TVP23C: variants seen among roughly 807,000 people sequenced by gnomAD.
TVP23C encodes the protein Golgi apparatus membrane protein TVP23 homolog C.
A neutral mutation model predicts 28.7 loss-of-function variants in TVP23C; 19 were observed. The ratio of observed to expected loss-of-function variants is 0.66; its 90% CI spans 0.46 to 0.97. The LOEUF (loss-of-function observed/expected upper bound fraction) is 0.97. Among genes scored for constraint, TVP23C ranks in the 50% least tolerant of loss-of-function variants. The pLI, the probability that TVP23C is intolerant of heterozygous loss-of-function variation, is 0.00. For synonymous variants in TVP23C, 68 were observed against 81.7 expected (o/e 0.83, Z 0.90); for missense variants, 186 against 241.3 (o/e 0.77, Z 1.52).
At chr17:15,516,023 C>G (rs1041783656) in intron 5 of TVP23C, among the ~76,000 whole-genome samples, 1 of 152,128 alleles carries the variant, frequency 6.6e-6, no homozygotes, top group Non-Finnish European at 1.5e-5. Flanking sequence ...CCAGGTAAGA[C>G]GCGTGCTCCC....
downstream of TVP23C, among the ~76,000 whole-genome samples, chr17:15,534,578 TACACACACACAC>T (rs370038704): frequency 7.1e-4 from 89 of 125,220 alleles, no homozygotes; most frequent in Non-Finnish European, 1.2e-3. Flanking sequence ...CCATCACTTC[TACACACACACAC>T]ACACACACAC....
chr17:15,505,998 A>G (rs1169011598), intron 5 of TVP23C, among the ~76,000 whole-genome samples: 3 of 152,174 alleles, frequency 2.0e-5, no homozygotes, highest in Non-Finnish European at 4.4e-5. Flanking sequence ...TGTGCGGCCC[A>G]AGCCTCCCCG....
At chr17:15,548,967 A>G (rs112360894) in intron 3 of TVP23C, among the ~76,000 whole-genome samples, 3 of 152,266 alleles carry the variant, frequency 2.0e-5, no homozygotes, top group South Asian at 2.1e-4. Context: ...TTAGCGTAGC[A>G]TATAGCAGTA....
chr17:15,521,786 A>C (rs963957021), intron 5 of TVP23C, among the ~76,000 whole-genome samples: 2 of 152,194 alleles, frequency 1.3e-5, no homozygotes, highest in Non-Finnish European at 2.9e-5. Context: ...TCTCAGTAAG[A>C]TATAACGACA....
chr17:15,523,556 C>G (rs931114152), intron 5 of TVP23C, among the ~76,000 whole-genome samples: 1 of 151,670 alleles, frequency 6.6e-6, no homozygotes, highest in Non-Finnish European at 1.5e-5. Context: ...TGATCCACCC[C>G]CTTTGGCCTC....
chr17:15,559,568 G>GT lies in TVP23C; in HGVS notation c.12+3868dup, dbSNP rs1027997402. 5.7e-4 allele frequency among the ~76,000 whole-genome samples: 85 copies of GT among 148,814 alleles called. 7 individuals are homozygous for GT. The highest frequency in any genetic ancestry group is 6.3e-4 in the Non-Finnish European group (42 of 66,586). On this transcript the variant is annotated intron_variant, in intron 1 of 5. Coordinates refer to ENST00000518321, the MANE Select transcript of TVP23C (RefSeq NM_001135036.2). ...TAGAAAGAGAATTCTGGCTACTGTA[G>GT]TAAAAATCTGGAGGGGGAGGGGAGA...
At position 15,555,369 on chromosome 17, in the gene TVP23C, T is replaced by C. The variant is rs368136254; in HGVS notation, c.13-5A>G. ...TTCAGTGTCATCATTACTATCCTGG[T>C]TGGAAAAATAAATGGTCAAGAAGCA... On this transcript the variant is annotated splice_polypyrimidine_tract_variant and splice_region_variant and intron_variant, in intron 1 of 5. Transcript: ENST00000518321. 1.1e-5 allele frequency: 18 copies of C among 1,613,840 alleles called. No individual in the cohort carries two copies. Among genetic ancestry groups the C allele is most frequent in the African/African-American group, 6.7e-5 (5 of 74,922 alleles).
Position 15,545,998 on chromosome 17 carries a change from C to T in TVP23C, c.331-82G>A, listed in dbSNP as rs940305597. 3 of 1,537,074 alleles carry T rather than the reference C, an allele frequency of 2.0e-6. No individual in the cohort carries two copies. The African/African-American group carries it at 4.2e-5, about 21-fold the overall frequency. On this transcript the variant is annotated intron_variant, in intron 4 of 5. Coordinates refer to ENST00000518321, the MANE Select transcript of TVP23C (RefSeq NM_001135036.2). The stretch of plus-strand genomic sequence containing the variant: ...AACATATTTAATAAAAAACATATTA[C>T]CCACAAGTTCAAATATTAATACACA...
rs567636495 is a variant in TVP23C at position 15,503,180 on chromosome 17, T to C, written c.515A>G (p.Asp172Gly). ...GCTTTGGAAGGCGGAAGCGGGAGGA[T>C]CTCTTGAGCCCAAGACTTTCAGACC... Residue 172 changes from aspartate (D) to glycine (G), a missense_variant, in exon 6 of 6, where the codon GAT (aspartate) becomes GGT (glycine). Transcript: ENST00000225576. The C allele has an allele frequency of 3.6e-5, 57 of 1,578,580 alleles. No individual in the cohort carries two copies. In the East Asian group the frequency reaches 1.2e-3, roughly 34 times the overall value.
intron 5 of TVP23C, among the ~76,000 whole-genome samples, chr17:15,542,912 A>C (rs1407133522): frequency 6.6e-6 from 1 of 152,242 alleles, no homozygotes; most frequent in Admixed American, 6.5e-5. Context: ...AACACTAGGC[A>C]TAAGTAGGTT....
chr17:15,532,662 T>C (rs1159550951), downstream of TVP23C, among the ~76,000 whole-genome samples: 1 of 152,256 alleles, frequency 6.6e-6, no homozygotes, highest in Non-Finnish European at 1.5e-5. Flanking sequence ...TGATCATTCC[T>C]GCCAGTGTCC....
At chr17:15,527,587 G>A (rs1567635871) in intron 5 of TVP23C, among the ~76,000 whole-genome samples, 3 of 152,154 alleles carry the variant, frequency 2.0e-5, no homozygotes, top group Non-Finnish European at 4.4e-5. Flanking sequence ...CATTTTACAT[G>A]AGTTATCTCA....
At chr17:15,515,866 G>A (rs1451045818) in intron 5 of TVP23C, among the ~76,000 whole-genome samples, 3 of 152,138 alleles carry the variant, frequency 2.0e-5, no homozygotes, top group Non-Finnish European at 4.4e-5. Flanking sequence ...TGGAGGTGGG[G>A]CCTGGTGTCA....
chr17:15,549,604 C>T (rs192239720), intron 3 of TVP23C, among the ~76,000 whole-genome samples: 57 of 151,506 alleles, frequency 3.8e-4, no homozygotes, highest in Non-Finnish European at 1.5e-5. Flanking sequence ...ACTTGAACCC[C>T]GGGAGGCAGA....
Position 15,539,752 on chromosome 17 carries a change from G to T in TVP23C, c.*660C>A, listed in dbSNP as rs1983326807. 1.0e-6 allele frequency: 1 copy of T among 984,908 alleles called. No individual in the cohort carries two copies. Among genetic ancestry groups the T allele is most frequent in the Non-Finnish European group, 1.2e-6 (1 of 829,702 alleles). 61.0% of individuals were successfully genotyped at this position (984,908 alleles called of 1,614,324 possible). A position where few individuals can be genotyped will look rare whatever the true frequency, so the allele number is the denominator to read the frequency against. On this transcript the variant is annotated 3_prime_UTR_variant, in exon 6 of 6. Coordinates refer to ENST00000518321, the MANE Select transcript of TVP23C (RefSeq NM_001135036.2). ...GTTCTAGGGGGAAAAAAACATCTGAGTACAAATGTTATGGTCTTCTTGTGA... is the reference window on the plus strand; with the variant it reads ...GTTCTAGGGGGAAAAAAACATCTGATTACAAATGTTATGGTCTTCTTGTGA...
intron 1 of TVP23C, chr17:15,563,159 T>G (rs950578946): frequency 8.1e-5 from 41 of 507,568 alleles, no homozygotes; most frequent in African/African-American, 7.5e-4. Flanking sequence ...CAATAAGGGT[T>G]GAGGAAAGAG....
At chr17:15,543,975 T>C (rs1422136943) in intron 5 of TVP23C, among the ~76,000 whole-genome samples, 1 of 152,062 alleles carries the variant, frequency 6.6e-6, no homozygotes, top group Non-Finnish European at 1.5e-5. Flanking sequence ...TTTTCCTGAT[T>C]CCAAGCAAAA....
chr17:15,557,429 A>C (rs1984184108), intron 1 of TVP23C, among the ~76,000 whole-genome samples: 1 of 146,628 alleles, frequency 6.8e-6, no homozygotes, highest in Admixed American at 7.0e-5. Flanking sequence ...AGTAACTGGG[A>C]TTACAGGAGT....
intron 5 of TVP23C, among the ~76,000 whole-genome samples, chr17:15,504,499 G>C (rs1400257942): frequency 1.3e-5 from 2 of 152,170 alleles, no homozygotes; most frequent in Admixed American, 1.3e-4. Flanking sequence ...TGAGAGCGCG[G>C]AAGATGAGGC....
Sources: allele counts gnomAD v4.1 joint callset (sites outside exome capture counted in the v4.1 genomes callset), GRCh38; gene constraint gnomAD v4.1.1; transcripts MANE v1.5; gene names NCBI Gene and HGNC (gene_info 2026-07-23, HGNC 2026-07-21).